Variants in FAT4 observed in about 807,000 individuals in gnomAD.
FAT4 encodes the protein FAT atypical cadherin 4.
Under a neutral mutation model 303.9 loss-of-function variants are expected in FAT4, and 84 were observed. That is an observed-to-expected ratio of 0.28 (90% CI 0.23 to 0.33). FAT4 has a LOEUF of 0.33. Ranked by LOEUF, FAT4 falls within the 10% of genes least tolerant of loss-of-function variation. The pLI, the probability that FAT4 is intolerant of heterozygous loss-of-function variation, is 1.00. For synonymous variants in FAT4, 2,307 were observed against 2,298.8 expected, an observed-to-expected ratio of 1.00 and a Z score of -0.10; for missense variants, 6,005 against 6,146.8, an observed-to-expected ratio of 0.98 and a Z score of 0.77.
chr4:125,373,475 T>C (rs768532579), intron 2 of FAT4, among the ~76,000 whole-genome samples: 4 of 152,222 alleles, frequency 2.6e-5, no homozygotes. Context: ...TAATAAATGC[T>C]CCTTCTAGTT....
intron 2 of FAT4, among the ~76,000 whole-genome samples, chr4:125,333,271 A>T (rs1731455190): frequency 1.3e-5 from 2 of 152,030 alleles, no homozygotes; most frequent in Non-Finnish European, 2.9e-5. Context: ...GGGTAAACAA[A>T]GGAAATACAG....
Position 125,450,139 on chromosome 4 carries a change from T to G in FAT4, c.9129T>G (p.Ile3043Met). The change falls in exon 10 of 18, where the codon ATT becomes ATG. Residue 3043 changes from isoleucine (I) to methionine (M), a missense_variant. By Grantham distance (10) the Ile-to-Met change is conservative (BLOSUM62 1). Transcript: ENST00000394329. ...KFKLDNDTGWISVASSLISDL... is the reference protein window; with the variant it reads ...KFKLDNDTGWMSVASSLISDL... ...AGTTGGACAATGATACGGGGTGGAT[T>G]TCAGTAGCATCCTCCCTGATTTCTG... 1 of 1,613,718 alleles carries G rather than the reference T, an allele frequency of 6.2e-7. No individual in the cohort carries two copies. Among genetic ancestry groups the G allele is most frequent in the African/African-American group, 1.3e-5 (1 of 75,020 alleles).
At chr4:125,328,300 C>T (rs1546460) in intron 2 of FAT4, among the ~76,000 whole-genome samples, 24,164 of 152,040 alleles carry the variant, frequency 0.16, 3,305 homozygotes, top group African/African-American at 0.36. Flanking sequence ...AACACGTATG[C>T]CCCCATTGTA....
intron 2 of FAT4, among the ~76,000 whole-genome samples, chr4:125,376,022 A>G (rs2125995045): frequency 6.6e-6 from 1 of 152,338 alleles, no homozygotes; most frequent in African/African-American, 2.4e-5. Flanking sequence ...TCTGTTTAGG[A>G]ACCTGTGTCA....
rs183955522 is a variant in FAT4 at position 125,324,003 on chromosome 4, C to T, written c.5175+2417C>T. On this transcript the variant is annotated intron_variant, in intron 2 of 17. Transcript: ENST00000394329. ...GACATTTGGGGTAAGAGGCTAATGA[C>T]TATGACTCTGATATTGTTCATTCCA... Among the ~76,000 whole-genome samples, 718 of 152,266 alleles carry T rather than the reference C, an allele frequency of 4.7e-3. 4 individuals carry two copies. The highest frequency in any genetic ancestry group is 0.01 in the Middle Eastern group (3 of 294).
At position 125,490,147 on chromosome 4, in the gene FAT4, A is replaced by G. The variant is rs1175345115; in HGVS notation, c.13331A>G (p.Glu4444Gly). 2 of 1,614,036 alleles carry G rather than the reference A, an allele frequency of 1.2e-6. No homozygotes were observed. Among genetic ancestry groups the G allele is most frequent in the Admixed American group, 1.7e-5 (1 of 60,006 alleles). Reference protein sequence around the residue: ...SHPCQNGGSCEPGLHSGFTCS... With the variant: ...SHPCQNGGSCGPGLHSGFTCS... ...CCGTGCCAGAATGGTGGCAGCTGTG[A>G]GCCAGGCCTGCACTCCGGCTTCACC... Residue 4444 changes from glutamate to glycine, a missense_variant, in exon 18 of 18, where the codon GAG (glutamate) becomes GGG (glycine). Glu to Gly is a moderately conservative substitution (Grantham distance 98). Transcript: ENST00000394329.
rs1216931893 is a variant in FAT4, at chr4:125,487,621, T to G, written c.13084+15T>G. On this transcript the variant is annotated intron_variant, in intron 17 of 17. Coordinates refer to ENST00000394329, the MANE Select transcript of FAT4 (RefSeq NM_001291303.3). ...TGCCCAAACAGGTAAATGCCTTTAT[T>G]AAGTAGAGTCACAAGGGAAGTAAAA... 6.3e-7 allele frequency: 1 copy of G among 1,577,310 alleles called. No homozygotes were observed. Among genetic ancestry groups the G allele is most frequent in the Non-Finnish European group, 8.6e-7 (1 of 1,161,214 alleles).
rs376422522 is a variant in FAT4 at position 125,321,465 on chromosome 4, G to A, written c.5054G>A (p.Arg1685Gln). The A allele has an allele frequency of 6.0e-5, 97 of 1,614,008 alleles. No homozygotes were observed. In the African/African-American group the frequency reaches 6.1e-4, roughly 10 times the overall value. Residue 1685 changes from arginine (R) to glutamine (Q), a missense_variant, in exon 2 of 18, where the codon CGA (arginine) becomes CAA (glutamine). Arg to Gln is a conservative substitution (Grantham distance 43, BLOSUM62 1). Coordinates refer to ENST00000394329, the MANE Select transcript of FAT4 (RefSeq NM_001291303.3). ...GTTGGACGCCTCTTTACTATTGGAC[G>A]ACATACTGGTATAATTCAGACCGCA... The part of the protein sequence containing the change: ...KTVGRLFTIG[R>Q]HTGIIQTAAI...
chr4:125,357,968 G>C (rs984352461), intron 2 of FAT4, among the ~76,000 whole-genome samples: 2 of 151,990 alleles, frequency 1.3e-5, no homozygotes, highest in African/African-American at 4.8e-5. Flanking sequence ...TTTACCCCTT[G>C]GTATTAGTTT....
At chr4:125,454,507 G>A (rs1013769937) in intron 10 of FAT4, among the ~76,000 whole-genome samples, 3 of 151,652 alleles carry the variant, frequency 2.0e-5, no homozygotes, top group Admixed American at 6.6e-5. Context: ...TACTTTCAGG[G>A]TTTTTGTAAT....
At chr4:125,394,681 T>C (rs2126009565) in intron 2 of FAT4, among the ~76,000 whole-genome samples, 1 of 152,294 alleles carries the variant, frequency 6.6e-6, no homozygotes, top group South Asian at 2.1e-4. Context: ...TTAAAATAAA[T>C]CACACCAAAC....
At chr4:125,479,559 G>A (rs1727149843) in intron 14 of FAT4, among the ~76,000 whole-genome samples, 182 bp from the exon 15 acceptor site, 1 of 152,072 alleles carries the variant, frequency 6.6e-6, no homozygotes, top group Non-Finnish European at 1.5e-5. Flanking sequence ...TTTAGTGTGA[G>A]GCAGACTATG....
At chr4:125,432,130 G>C (rs1257744016) in intron 7 of FAT4, among the ~76,000 whole-genome samples, 1 of 152,104 alleles carries the variant, frequency 6.6e-6, no homozygotes, top group Admixed American at 6.5e-5. Flanking sequence ...CCTCCTGCCT[G>C]GTGCTCTTCT....
intron 3 of FAT4, among the ~76,000 whole-genome samples, chr4:125,401,337 G>A (rs1053180874): frequency 2.0e-5 from 3 of 151,828 alleles, no homozygotes; most frequent in African/African-American, 2.4e-5. Flanking sequence ...AATGCTTTTA[G>A]ATAAACCTTT....
In FAT4 at chr4:125,491,717, T is replaced by C. The variant is rs1438621611; in HGVS notation, c.14901T>C (p.Ala4967=). 3.7e-6 allele frequency: 6 copies of C among 1,613,994 alleles called. No individual in the cohort carries two copies. Among genetic ancestry groups the C allele is most frequent in the Non-Finnish European group, 4.2e-6 (5 of 1,179,980 alleles). Residue 4967 remains alanine (A), a synonymous_variant, in exon 18 of 18, where the codon GCT becomes GCC. Transcript: ENST00000394329. ...CAGCAGCAAATGAAGAAGGCAAAGC[T>C]GGGACAACTAAACCAGTCCCCAAAG... ...EKAAANEEGK[A]GTTKPVPKDG... is the part of the protein sequence containing the mutation.
At chr4:125,405,704 A>G (rs924021906) in intron 3 of FAT4, among the ~76,000 whole-genome samples, 14 of 150,654 alleles carry the variant, frequency 9.3e-5, no homozygotes, top group South Asian at 4.4e-4. Context: ...GGGTTTCACT[A>G]TGTTGGCCAG....
rs1725990236 is a variant in FAT4, at chr4:125,449,982, T to A, written c.8972T>A (p.Phe2991Tyr). Residue 2991 changes from phenylalanine to tyrosine, a missense_variant, in exon 10 of 18, where the codon TTC (phenylalanine) becomes TAC (tyrosine). Physicochemically the swap from Phe to Tyr is conservative, Grantham distance 22. Coordinates refer to ENST00000394329, the MANE Select transcript of FAT4 (RefSeq NM_001291303.3). ...CCTCAATTTCTTAAAAGTAAATATT[T>A]CACTCCAGTCACCAAAAATGTTAAG... ...NAPQFLKSKYFTPVTKNVKVG... is the reference protein window; with the variant it reads ...NAPQFLKSKYYTPVTKNVKVG... The A allele has an allele frequency of 6.2e-7, 1 of 1,613,860 alleles. No individual in the cohort carries two copies. Among genetic ancestry groups the A allele is most frequent in the Non-Finnish European group, 8.5e-7 (1 of 1,179,926 alleles).
chr4:125,343,017 A>T (rs1293073102), intron 2 of FAT4, among the ~76,000 whole-genome samples: 1 of 152,178 alleles, frequency 6.6e-6, no homozygotes, highest in Non-Finnish European at 1.5e-5. Context: ...TGTTTTAATA[A>T]CTACATAGCA....
intron 2 of FAT4, among the ~76,000 whole-genome samples, chr4:125,330,701 T>C (rs777343815): frequency 3.3e-5 from 5 of 152,202 alleles, no homozygotes; most frequent in Non-Finnish European, 5.9e-5. Context: ...GTTGAATGAC[T>C]AAGTGAATGA....
Sources: allele counts gnomAD v4.1 joint callset (sites outside exome capture counted in the v4.1 genomes callset), GRCh38; gene constraint gnomAD v4.1.1; transcripts MANE v1.5; gene names NCBI Gene and HGNC (gene_info 2026-07-23, HGNC 2026-07-21).